KLHL6: variants seen among roughly 807,000 people sequenced by gnomAD.
The protein encoded by KLHL6 is kelch-like protein 6.
In KLHL6, 41 loss-of-function variants were observed where a neutral mutation model predicts 58.6. That is an observed-to-expected ratio of 0.70 (90% CI 0.55 to 0.91). KLHL6 has a LOEUF of 0.91. Ranked by LOEUF, KLHL6 falls within the 40% of genes least tolerant of loss-of-function variation. The pLI, the probability that KLHL6 is intolerant of heterozygous loss-of-function variation, is 0.00. For missense variants in KLHL6, 714 were observed against 805.6 expected (o/e 0.89, Z 1.38); for synonymous variants, 338 against 322.7 (o/e 1.05, Z -0.51).
At position 183,488,410 on chromosome 3, in the gene KLHL6, C is replaced by G. The variant is rs988730521; in HGVS notation, c.*3517G>C. On this transcript the variant is annotated 3_prime_UTR_variant, in exon 7 of 7. Coordinates refer to ENST00000341319, the MANE Select transcript of KLHL6 (RefSeq NM_130446.4). ...CTCCCTTACCCTTATTCTCCCTCAC[C>G]CTTCTTGGGACTAGAGCCAAGCTCA... The G allele has an allele frequency of 1.3e-5, 2 of 152,350 alleles. No homozygotes were observed. Among genetic ancestry groups the G allele is most frequent in the Admixed American group, 1.3e-4 (2 of 15,280 alleles). 9.4% of individuals were successfully genotyped at this position (152,350 alleles called of 1,614,324 possible).
At chr3:183,540,502 T>C (rs1356582044) in intron 1 of KLHL6, among the ~76,000 whole-genome samples, 2 of 152,138 alleles carry the variant, frequency 1.3e-5, no homozygotes, top group African/African-American at 2.4e-5. Flanking sequence ...GGCGGAGTGA[T>C]ACAATTGGAC....
chr3:183,534,950 A>ATATATTT (rs1356557331), intron 1 of KLHL6, among the ~76,000 whole-genome samples: 5 of 96,738 alleles, frequency 5.2e-5, no homozygotes, highest in African/African-American at 1.5e-4. Context: ...ATATATATAT[A>ATATATTT]TTTTTTTTTT....
At chr3:183,496,066 G>A (rs530770335) in intron 4 of KLHL6, among the ~76,000 whole-genome samples, 32 of 152,112 alleles carry the variant, frequency 2.1e-4, no homozygotes, top group Non-Finnish European at 3.8e-4. Flanking sequence ...TTGGGGTTAG[G>A]AGGGGTTTTC....
Position 183,555,623 on chromosome 3 carries a change from T to C in KLHL6, c.31A>G (p.Thr11Ala). Residue 11 changes from threonine to alanine, a missense_variant, in exon 1 of 7, where the codon ACC (threonine) becomes GCC (alanine). Around this residue, in one of 2 missense-constraint regions of KLHL6, gnomAD observed 204 missense variants for 175.9 expected, o/e 1.16. Coordinates refer to ENST00000341319, the MANE Select transcript of KLHL6 (RefSeq NM_130446.4). Reference protein sequence around the residue: MLMAGQRGAWTMGDVVEKSLE... With the variant: MLMAGQRGAWAMGDVVEKSLE... ...CTCTTCTCGACCACATCACCCATGG[T>C]CCAGGCGCCCCTTTGTCCTGCCATC... 1 of 1,607,116 alleles carries C rather than the reference T, an allele frequency of 6.2e-7. No individual in the cohort carries two copies. The highest frequency in any genetic ancestry group is 8.5e-7 in the Non-Finnish European group (1 of 1,176,966).
chr3:183,537,773 A>G (rs1712413242), intron 1 of KLHL6, among the ~76,000 whole-genome samples: 1 of 152,016 alleles, frequency 6.6e-6, no homozygotes, highest in South Asian at 2.1e-4. Flanking sequence ...GCTCTCCCCG[A>G]CACTCCCCCT....
intron 1 of KLHL6, among the ~76,000 whole-genome samples, chr3:183,533,431 C>CTT (rs76733908): frequency 6.9e-6 from 1 of 144,988 alleles, no homozygotes. Flanking sequence ...CCACACCCAA[C>CTT]TTTTTTTTTT....
intron 3 of KLHL6, among the ~76,000 whole-genome samples, chr3:183,506,108 A>G (rs1560095091): frequency 6.6e-6 from 1 of 152,216 alleles, no homozygotes; most frequent in Non-Finnish European, 1.5e-5. Context: ...CTAATGAAGA[A>G]AGCCTGGTAG....
intron 3 of KLHL6, among the ~76,000 whole-genome samples, chr3:183,507,769 C>T (rs1189437188): frequency 1.3e-5 from 2 of 152,086 alleles, no homozygotes; most frequent in Non-Finnish European, 2.9e-5. Context: ...CAGTGTGACC[C>T]CCAACCTCCC....
Position 183,492,086 on chromosome 3 carries a change from C to T in KLHL6, c.1707G>A (p.Lys569=). The stretch of plus-strand genomic sequence containing the variant: ...ACAGCACCGTGGCGATAACCTCGTT[C>T]TTCTCGTCCCGCCCGCCGGTGATGT... ...RLYITGGRDE[K]NEVIATVLCW... The change falls in exon 7 of 7, where the codon AAG becomes AAA. Residue 569 remains lysine, a synonymous_variant. Transcript: ENST00000341319. This position sits in a 1 kb window ranked among gnomAD's most constrained non-coding sequence, Gnocchi z 5.9. 1 of 1,613,912 alleles carries T rather than the reference C, an allele frequency of 6.2e-7. No individual in the cohort carries two copies. The highest frequency in any genetic ancestry group is 8.5e-7 in the Non-Finnish European group (1 of 1,180,022).
intron 3 of KLHL6, among the ~76,000 whole-genome samples, chr3:183,500,743 A>G (rs187831903): frequency 2.3e-4 from 35 of 152,292 alleles, no homozygotes; most frequent in Admixed American, 2.3e-3. Flanking sequence ...GGGCTCCATG[A>G]TGAAGGTTCC....
intron 1 of KLHL6, among the ~76,000 whole-genome samples, chr3:183,535,438 T>C (rs1051350109): frequency 2.0e-5 from 3 of 152,160 alleles, no homozygotes; most frequent in African/African-American, 7.2e-5. Context: ...GAATGTCATA[T>C]AAATAAATAT....
intron 3 of KLHL6, among the ~76,000 whole-genome samples, chr3:183,503,939 A>C (rs960763788): frequency 2.6e-5 from 4 of 152,184 alleles, no homozygotes; most frequent in African/African-American, 9.6e-5. Flanking sequence ...CCATTCCAGC[A>C]GGGAGCAGAC....
intron 1 of KLHL6, among the ~76,000 whole-genome samples, chr3:183,546,055 C>T (rs971122958): frequency 6.6e-6 from 1 of 152,202 alleles, no homozygotes. Context: ...TGGTCACTGC[C>T]TTCACATGGC....
intron 1 of KLHL6, among the ~76,000 whole-genome samples, chr3:183,534,132 G>GTACTTTACTTTTAAAGTACTTTT: frequency 6.2e-5 from 1 of 16,062 alleles, no homozygotes; most frequent in Non-Finnish European, 2.3e-4. Flanking sequence ...AAAGTACTTT[G>GTACTTTACTTTTAAAGTACTTTT]TACTTTTAAA....
chr3:183,514,876 G>C (rs559482898), intron 2 of KLHL6, among the ~76,000 whole-genome samples: 110 of 152,072 alleles, frequency 7.2e-4, no homozygotes, highest in South Asian at 2.9e-3. Context: ...CACCATGTTG[G>C]CCATTCTGGT....
At position 183,490,044 on chromosome 3, in the gene KLHL6, T is replaced by A. The variant is rs1368854804; in HGVS notation, c.*1883A>T. ...ACTATGTTGTTATCATTGTTGCTTTTTAAATACAGCATATGAAACAGGATC... is the reference window on the plus strand; with the variant it reads ...ACTATGTTGTTATCATTGTTGCTTTATAAATACAGCATATGAAACAGGATC... On this transcript the variant is annotated 3_prime_UTR_variant, in exon 7 of 7. Transcript: ENST00000341319. The A allele has an allele frequency of 6.6e-6, 1 of 152,224 alleles. No homozygotes were observed. Among genetic ancestry groups the A allele is most frequent in the Non-Finnish European group, 1.5e-5 (1 of 68,044 alleles). The allele number at this position is 152,224 out of a possible 1,614,324, so 9.4% of individuals were successfully genotyped here.
chr3:183,497,892 A>T (rs1361297948), intron 4 of KLHL6, among the ~76,000 whole-genome samples: 1 of 152,256 alleles, frequency 6.6e-6, no homozygotes, highest in Non-Finnish European at 1.5e-5. Flanking sequence ...GTGATGGCAC[A>T]GAGAAACTGC....
rs1717447161 is a variant in KLHL6 at position 183,487,998 on chromosome 3, C to A, written c.*3929G>T. 1 of 152,190 alleles carries A rather than the reference C, an allele frequency of 6.6e-6. No individual in the cohort carries two copies. Among genetic ancestry groups the A allele is most frequent in the Non-Finnish European group, 1.5e-5 (1 of 68,032 alleles). 9.4% of individuals were successfully genotyped at this position (152,190 alleles called of 1,614,324 possible). On this transcript the variant is annotated 3_prime_UTR_variant, in exon 7 of 7. Transcript: ENST00000341319. ...GTCTTCTATAAATAGCTAAGCTATA[C>A]TTTACAGCTATAAGAACGTGATATT... is the stretch of plus-strand genomic sequence containing the variant.
Position 183,555,493 on chromosome 3 carries a change from A to T in KLHL6, c.161T>A (p.Leu54His). Residue 54 changes from leucine to histidine, a missense_variant, in exon 1 of 7, where the codon CTC becomes CAC. This residue lies in a region of KLHL6 where 204 missense variants were observed against 175.9 expected (regional missense o/e 1.16). Transcript: ENST00000341319. The part of the protein sequence containing the change: ...GEKVKFDDAG[L>H]SLILQNGLET... ...CAGGCCATTCTGAAGAATTAAGGAG[A>T]GTCCCGCGTCGTCAAATTTGACCTT... The T allele has an allele frequency of 1.9e-6, 3 of 1,614,098 alleles. No individual in the cohort carries two copies. Among genetic ancestry groups the T allele is most frequent in the Non-Finnish European group, 2.5e-6 (3 of 1,180,020 alleles).
Sources: gnomAD v4.1 joint callset for allele counts (sites outside exome capture counted in the v4.1 genomes callset) on GRCh38, gnomAD v4.1.1 for gene constraint, gnomAD v4.1.1 regional missense constraint, Gnocchi (gnomAD v3.1) non-coding constraint, MANE v1.5 for transcripts, NCBI Gene and HGNC (gene_info 2026-07-23, HGNC 2026-07-21) for gene names.